The following ARK2N variants were observed in gnomAD, a reference collection of about 807,000 sequenced individuals.
ARK2N encodes protein ARK2N.
At chr18:46,228,859 C>G in the ARK2N span, 2 of 398,498 alleles carry the variant, frequency 5.0e-6, no homozygotes, top group East Asian at 7.1e-5. Context: ...GGGATTCGCA[C>G]CTGGCCTAAA....
chr18:46,205,986 T>A, the ARK2N span, among the ~76,000 whole-genome samples: 1 of 152,094 alleles, frequency 6.6e-6, no homozygotes, highest in Admixed American at 6.6e-5. Flanking sequence ...CACCTCTGCC[T>A]CCCAAAGTGC....
At chr18:46,201,275 A>G in the ARK2N span, among the ~76,000 whole-genome samples, 1 of 152,076 alleles carries the variant, frequency 6.6e-6, no homozygotes, top group Admixed American at 6.5e-5. Context: ...GTGATCTACT[A>G]TGCCTGACCT....
At chr18:46,239,970 G>A in the ARK2N span, 4 of 1,594,746 alleles carry the variant, frequency 2.5e-6, no homozygotes, top group Admixed American at 1.7e-5. Context: ...CACCCCACAC[G>A]TTAGATACAA....
the ARK2N span, chr18:46,265,594 G>A: frequency 1.3e-5 from 2 of 152,260 alleles, no homozygotes; most frequent in Non-Finnish European, 2.9e-5. Flanking sequence ...AGGGGGAGGG[G>A]AAGGGATGGT....
chr18:46,242,977 T>C, the ARK2N span, among the ~76,000 whole-genome samples: 1 of 152,224 alleles, frequency 6.6e-6, no homozygotes, highest in African/African-American at 2.4e-5. Context: ...TTTGTGCATA[T>C]TGGACTATAA....
the ARK2N span, among the ~76,000 whole-genome samples, chr18:46,259,243 CTTTTT>C: frequency 7.3e-6 from 1 of 136,650 alleles, no homozygotes. Context: ...TTCTTTCTTT[CTTTTT>C]TTTTTTTTTT....
chr18:46,250,054 T>C, the ARK2N span, among the ~76,000 whole-genome samples: 2 of 152,078 alleles, frequency 1.3e-5, no homozygotes, highest in Admixed American at 1.3e-4. Context: ...TTGTGTTTTC[T>C]AGACCACTTT....
chr18:46,242,063 C>A, the ARK2N span, among the ~76,000 whole-genome samples: 1 of 152,094 alleles, frequency 6.6e-6, no homozygotes, highest in Non-Finnish European at 1.5e-5. Context: ...CCTGCCTTGG[C>A]CTCCCAAAGT....
the ARK2N span, among the ~76,000 whole-genome samples, chr18:46,196,617 G>A: frequency 6.6e-6 from 1 of 152,112 alleles, no homozygotes; most frequent in Non-Finnish European, 1.5e-5. Flanking sequence ...TTGTATTTTT[G>A]TACCTATTGT....
the ARK2N span, among the ~76,000 whole-genome samples, chr18:46,197,477 A>G: frequency 1.3e-5 from 2 of 152,202 alleles, no homozygotes; most frequent in South Asian, 4.1e-4. Flanking sequence ...TAAGGGATCC[A>G]CCCACCTTGG....
chr18:46,207,521 C>G, the ARK2N span, among the ~76,000 whole-genome samples: 2 of 151,890 alleles, frequency 1.3e-5, no homozygotes, highest in Non-Finnish European at 2.9e-5. Flanking sequence ...TCCCGAGTAG[C>G]TGGGATTACA....
the ARK2N span, among the ~76,000 whole-genome samples, chr18:46,242,841 C>T: frequency 1.3e-5 from 2 of 152,170 alleles, no homozygotes; most frequent in Admixed American, 1.3e-4. Flanking sequence ...TCACAATTTA[C>T]CCATTCTCTT....
the ARK2N span, among the ~76,000 whole-genome samples, chr18:46,215,380 C>T: frequency 3.3e-5 from 5 of 152,254 alleles, no homozygotes; most frequent in South Asian, 1.0e-3. Context: ...TCCCCTCCTC[C>T]CACCTCCTTT....
At chr18:46,177,517 T>G in the ARK2N span, among the ~76,000 whole-genome samples, 2 of 149,550 alleles carry the variant, frequency 1.3e-5, no homozygotes, top group South Asian at 4.3e-4. Flanking sequence ...CTGCAAACTC[T>G]GCCTTCCGGG....
the ARK2N span, among the ~76,000 whole-genome samples, chr18:46,202,801 TTAAA>T: frequency 2.0e-5 from 2 of 100,228 alleles, no homozygotes; most frequent in East Asian, 4.9e-4. Context: ...AAAATAAAAA[TTAAA>T]AAAAAAAAAA....
chr18:46,201,004 G>A, the ARK2N span, among the ~76,000 whole-genome samples: 20 of 142,908 alleles, frequency 1.4e-4, no homozygotes, highest in Non-Finnish European at 3.0e-4. Flanking sequence ...TTTTGAGACA[G>A]GGTCTTGCTC....
the ARK2N span, among the ~76,000 whole-genome samples, chr18:46,177,965 T>TTA: frequency 1.3e-5 from 2 of 152,344 alleles, no homozygotes; most frequent in East Asian, 3.9e-4. Flanking sequence ...GAGTGTTTAC[T>TTA]GTGTGCCAGC....
At chr18:46,177,493 G>A in the ARK2N span, among the ~76,000 whole-genome samples, 5 of 144,550 alleles carry the variant, frequency 3.5e-5, no homozygotes, top group South Asian at 2.3e-4. Flanking sequence ...GTACAGTGGC[G>A]CGGTCTTGGC....
the ARK2N span, among the ~76,000 whole-genome samples, chr18:46,213,964 T>C: frequency 2.6e-5 from 4 of 152,196 alleles, no homozygotes; most frequent in African/African-American, 4.8e-5. Flanking sequence ...CCTAAAGTGC[T>C]GGGATAACAG....
Sources: allele counts gnomAD v4.1 joint callset (sites outside exome capture counted in the v4.1 genomes callset), GRCh38; gene constraint gnomAD v4.1.1; transcripts MANE v1.5; gene names NCBI Gene and HGNC (gene_info 2026-07-23, HGNC 2026-07-21).